SGCZ: variants seen among roughly 807,000 people sequenced by gnomAD.
SGCZ encodes zeta-sarcoglycan.
Under a neutral mutation model 41.3 loss-of-function variants are expected in SGCZ, and 40 were observed. The observed-to-expected ratio is 0.97, with a 90% CI of 0.75 to 1.26. SGCZ has a LOEUF of 1.26. Among genes scored for constraint, SGCZ ranks in the 50% most tolerant of loss-of-function variants. The pLI, the probability that SGCZ is intolerant of heterozygous loss-of-function variation, is 0.00. For missense variants in SGCZ, 552 were observed against 369.8 expected (o/e 1.49, Z -4.04); for synonymous variants, 206 against 137.5 (o/e 1.50, Z -3.49).
At chr8:14,147,598 G>T (rs1321582727) in intron 5 of SGCZ, among the ~76,000 whole-genome samples, 1 of 152,092 alleles carries the variant, frequency 6.6e-6, no homozygotes, top group Non-Finnish European at 1.5e-5. Flanking sequence ...AGAGTAATAT[G>T]TCCAAATACG....
At chr8:14,345,495 A>C (rs1802862601) in intron 2 of SGCZ, among the ~76,000 whole-genome samples, 2 of 152,170 alleles carry the variant, frequency 1.3e-5, no homozygotes, top group South Asian at 4.1e-4. Context: ...TATGGAGAAA[A>C]GTATAACACA....
intron 5 of SGCZ, among the ~76,000 whole-genome samples, chr8:14,163,840 G>C (rs1804124028): frequency 6.6e-6 from 1 of 152,096 alleles, no homozygotes; most frequent in Non-Finnish European, 1.5e-5. Flanking sequence ...GAAACATGAA[G>C]TCAAATATAC....
At chr8:14,531,108 C>T (rs1803116359) in intron 2 of SGCZ, among the ~76,000 whole-genome samples, 1 of 151,864 alleles carries the variant, frequency 6.6e-6, no homozygotes, top group African/African-American at 2.4e-5. Flanking sequence ...ATACTCAGCC[C>T]CTGATTAGTA....
At chr8:14,639,724 G>A (rs1806959782) in intron 1 of SGCZ, among the ~76,000 whole-genome samples, 1 of 151,198 alleles carries the variant, frequency 6.6e-6, no homozygotes, top group Non-Finnish European at 1.5e-5. Flanking sequence ...AGCTTTATCA[G>A]AATAAAACCG....
intron 1 of SGCZ, among the ~76,000 whole-genome samples, chr8:15,060,597 C>T (rs1804889483): frequency 6.7e-6 from 1 of 149,922 alleles, no homozygotes; most frequent in Non-Finnish European, 1.5e-5. Context: ...GGGTGCAGCA[C>T]ACCAACATGG....
intron 1 of SGCZ, among the ~76,000 whole-genome samples, chr8:14,619,413 C>A (rs1806211337): frequency 6.6e-6 from 1 of 151,956 alleles, no homozygotes; most frequent in Non-Finnish European, 1.5e-5. Flanking sequence ...CACTCCTATT[C>A]AACATAATGT....
chr8:14,296,784 A>G (rs923045164), intron 3 of SGCZ, among the ~76,000 whole-genome samples: 2 of 152,194 alleles, frequency 1.3e-5, no homozygotes, highest in Non-Finnish European at 2.9e-5. Context: ...AAGGGGGTCA[A>G]ATAAATAAAA....
chr8:14,475,811 G>T (rs1316397736), intron 2 of SGCZ, among the ~76,000 whole-genome samples: 1 of 151,968 alleles, frequency 6.6e-6, no homozygotes, highest in Non-Finnish European at 1.5e-5. Flanking sequence ...GTACAATGTT[G>T]AATATACACA....
chr8:15,099,293 T>G (rs1356458359), intron 1 of SGCZ, among the ~76,000 whole-genome samples: 2 of 152,062 alleles, frequency 1.3e-5, no homozygotes, highest in Non-Finnish European at 2.9e-5. Flanking sequence ...AAATGGAAAT[T>G]ACATCAGAAA....
rs550624673 is a variant in SGCZ, at chr8:14,179,453, C to T, written c.425-14751G>A. Among the ~76,000 whole-genome samples, 3 of 152,250 alleles carry T rather than the reference C, an allele frequency of 2.0e-5. No homozygotes were observed. The South Asian group carries it at 6.2e-4, about 32-fold the overall frequency. ...CCTACAGTGGACTTTTCAGGAGCTA[C>T]CACAAGGGTTCCTGCACATCCCCAC... On this transcript the variant is annotated intron_variant, in intron 4 of 7. Transcript: ENST00000382080.
At chr8:15,220,426 C>T (rs1801554954) in intron 1 of SGCZ, among the ~76,000 whole-genome samples, 1 of 152,106 alleles carries the variant, frequency 6.6e-6, no homozygotes, top group Non-Finnish European at 1.5e-5. Context: ...CACAAAGCTC[C>T]AGGCCCTTGC....
intron 2 of SGCZ, among the ~76,000 whole-genome samples, chr8:14,443,808 A>C (rs1800346786): frequency 6.6e-6 from 1 of 152,084 alleles, no homozygotes. Flanking sequence ...AAAATTGACA[A>C]ATGGGATCTA....
intron 3 of SGCZ, among the ~76,000 whole-genome samples, chr8:14,305,317 A>G (rs931057161): frequency 6.6e-6 from 1 of 152,156 alleles, no homozygotes; most frequent in Non-Finnish European, 1.5e-5. Context: ...ACATTTTTTG[A>G]TATGACCACA....
intron 1 of SGCZ, among the ~76,000 whole-genome samples, chr8:15,217,813 G>A (rs1801462192): frequency 6.6e-6 from 1 of 152,128 alleles, no homozygotes; most frequent in Non-Finnish European, 1.5e-5. Flanking sequence ...CTCTGGCTGT[G>A]CGTGGCATTC....
chr8:14,852,159 G>C (rs183205262), intron 1 of SGCZ, among the ~76,000 whole-genome samples: 1 of 152,146 alleles, frequency 6.6e-6, no homozygotes, highest in African/African-American at 2.4e-5. Flanking sequence ...TGCCAAGTCA[G>C]CTCCAGAAAT....
At chr8:15,112,520 T>C (rs1033220289) in intron 1 of SGCZ, among the ~76,000 whole-genome samples, 3 of 152,228 alleles carry the variant, frequency 2.0e-5, no homozygotes, top group Admixed American at 6.5e-5. Context: ...CATCTCCTTA[T>C]GAATCTGAAC....
At chr8:14,395,230 C>G (rs1798876719) in intron 2 of SGCZ, among the ~76,000 whole-genome samples, 1 of 152,096 alleles carries the variant, frequency 6.6e-6, no homozygotes, top group Non-Finnish European at 1.5e-5. Flanking sequence ...TCAAAAATCT[C>G]TATATTAAAC....
intron 2 of SGCZ, among the ~76,000 whole-genome samples, chr8:14,335,699 G>C (rs900321821): frequency 3.3e-5 from 5 of 151,920 alleles, no homozygotes; most frequent in African/African-American, 4.8e-5. Flanking sequence ...TAGAAATTCA[G>C]ACAAATCTTG....
intron 3 of SGCZ, among the ~76,000 whole-genome samples, chr8:14,305,463 G>C (rs1365291694): frequency 6.6e-6 from 1 of 152,074 alleles, no homozygotes; most frequent in East Asian, 1.9e-4. Context: ...TCAAAATTCT[G>C]TTGTAAATGT....
Sources: allele counts gnomAD v4.1 joint callset (sites outside exome capture counted in the v4.1 genomes callset), GRCh38; gene constraint gnomAD v4.1.1; transcripts MANE v1.5; gene names NCBI Gene and HGNC (gene_info 2026-07-23, HGNC 2026-07-21).